Variants in PAK1 observed in about 807,000 individuals in gnomAD.
PAK1 encodes serine/threonine-protein kinase PAK 1.
Under a neutral mutation model 67.4 loss-of-function variants are expected in PAK1, and 29 were observed. The observed-to-expected ratio is 0.43, with a 90% CI of 0.32 to 0.59. PAK1 has a LOEUF of 0.59. Ranked by LOEUF, PAK1 falls within the 20% of genes least tolerant of loss-of-function variation. PAK1 has a pLI of 0.07. For missense variants in PAK1, 337 were observed against 670.7 expected, an observed-to-expected ratio of 0.50 and a Z score of 5.50; for synonymous variants, 223 against 237.4, an observed-to-expected ratio of 0.94 and a Z score of 0.56.
At chr11:77,333,279 C>A (rs987741170) in intron 13 of PAK1, among the ~76,000 whole-genome samples, 1 of 149,414 alleles carries the variant, frequency 6.7e-6, no homozygotes, top group Non-Finnish European at 1.5e-5. Context: ...CTCACTGCAA[C>A]CTCCACCTCC....
the PAK1 span, among the ~76,000 whole-genome samples, chr11:77,504,045 C>T: frequency 6.6e-6 from 1 of 152,078 alleles, no homozygotes; most frequent in Non-Finnish European, 1.5e-5. Flanking sequence ...TCACCCACCA[C>T]CACACTCAGT....
At chr11:77,491,670 C>T in the PAK1 span, among the ~76,000 whole-genome samples, 3 of 151,934 alleles carry the variant, frequency 2.0e-5, no homozygotes, top group African/African-American at 7.3e-5. Context: ...ATGATAACCT[C>T]AAATCAAATA....
intron 1 of PAK1, among the ~76,000 whole-genome samples, chr11:77,455,230 G>T (rs556835953): frequency 3.0e-4 from 46 of 152,062 alleles, no homozygotes; most frequent in Non-Finnish European, 4.4e-5. Flanking sequence ...ATTCTCTAGG[G>T]CATAATGTAT....
chr11:77,484,948 G>A, the PAK1 span, among the ~76,000 whole-genome samples: 1 of 152,140 alleles, frequency 6.6e-6, no homozygotes, highest in Non-Finnish European at 1.5e-5. Context: ...TTACTTGGAT[G>A]GTAGCAGGCA....
the PAK1 span, among the ~76,000 whole-genome samples, chr11:77,529,458 G>T: frequency 6.6e-6 from 1 of 152,178 alleles, no homozygotes; most frequent in Non-Finnish European, 1.5e-5. Flanking sequence ...CATGCCCAGG[G>T]CAACCTTTTA....
chr11:77,462,963 A>T, intron 1 of PAK1, among the ~76,000 whole-genome samples: 1 of 125,964 alleles, frequency 7.9e-6, no homozygotes, highest in Admixed American at 8.0e-5. Context: ...GGGATACAAC[A>T]GTGAGAAAAA....
At chr11:77,375,386 C>T (rs567463679) in intron 4 of PAK1, among the ~76,000 whole-genome samples, 119 of 152,216 alleles carry the variant, frequency 7.8e-4, no homozygotes, top group Middle Eastern at 3.4e-3. Context: ...TATCTACTGC[C>T]CACAAGGACA....
At chr11:77,391,344 C>G (rs1565655415) in intron 2 of PAK1, among the ~76,000 whole-genome samples, 1 of 152,166 alleles carries the variant, frequency 6.6e-6, no homozygotes, top group East Asian at 1.9e-4. Context: ...CTATTAGGAA[C>G]TTTGTATGTA....
intron 1 of PAK1, among the ~76,000 whole-genome samples, chr11:77,418,911 C>G (rs1347422270): frequency 1.3e-5 from 2 of 152,096 alleles, no homozygotes; most frequent in Non-Finnish European, 2.9e-5. Flanking sequence ...ATAAATAGGA[C>G]CAGGTAGACG....
At chr11:77,407,518 G>A (rs1953778551) in intron 1 of PAK1, among the ~76,000 whole-genome samples, 1 of 152,196 alleles carries the variant, frequency 6.6e-6, no homozygotes, top group African/African-American at 2.4e-5. Flanking sequence ...TAGCATCTGA[G>A]CAATTTTTCA....
intron 14 of PAK1, 64 bp downstream of exon 14, chr11:77,332,666 A>G: frequency 7.5e-7 from 1 of 1,341,716 alleles, no homozygotes; most frequent in South Asian, 1.2e-5. Context: ...TACAAACATG[A>G]AGTAAAAAAG....
intron 5 of PAK1, among the ~76,000 whole-genome samples, chr11:77,360,180 ACTGT>A (rs1946594220): frequency 6.6e-6 from 1 of 152,124 alleles, no homozygotes; most frequent in African/African-American, 2.4e-5. Flanking sequence ...ACTGTGGGAG[ACTGT>A]CTTTTACCAC....
At chr11:77,386,958 GACACAGGGTTTCACCATGTTGGCCA>G (rs1950521813) in intron 2 of PAK1, among the ~76,000 whole-genome samples, 1 of 151,870 alleles carries the variant, frequency 6.6e-6, no homozygotes, top group South Asian at 2.1e-4. Flanking sequence ...ATTTTTAGTA[GACACAGGGTTTCACCATGTTGGCCA>G]GGCTAGTCTT....
intron 1 of PAK1, among the ~76,000 whole-genome samples, chr11:77,428,739 G>A (rs1347169120): frequency 6.6e-6 from 1 of 151,854 alleles, no homozygotes; most frequent in Non-Finnish European, 1.5e-5. Flanking sequence ...GGGGCAGGGA[G>A]GTGGACTGGT....
At chr11:77,488,766 T>A in the PAK1 span, among the ~76,000 whole-genome samples, 1 of 151,922 alleles carries the variant, frequency 6.6e-6, no homozygotes, top group Non-Finnish European at 1.5e-5. Context: ...GAAAAAAGAA[T>A]TTTTTAAAAA....
At chr11:77,337,530 G>C in intron 11 of PAK1, 107 bp from the exon 12 acceptor site, 1 of 539,594 alleles carries the variant, frequency 1.9e-6, no homozygotes, top group East Asian at 3.1e-5. Context: ...AATAAAGGAA[G>C]TAAGGCCCCA....
At chr11:77,477,567 C>CAAA (rs61075974), upstream of PAK1, among the ~76,000 whole-genome samples, 500 of 84,162 alleles carry the variant, frequency 5.9e-3, 15 homozygotes, top group African/African-American at 0.029. Context: ...ACCATCTCTA[C>CAAA]AAAAAAAAAA....
intron 1 of PAK1, among the ~76,000 whole-genome samples, chr11:77,462,549 G>T (rs984115127): frequency 6.6e-6 from 1 of 151,606 alleles, no homozygotes; most frequent in African/African-American, 2.4e-5. Context: ...GAAGTCATGT[G>T]GGCCAGGCAC....
chr11:77,519,425 C>T, the PAK1 span, among the ~76,000 whole-genome samples: 4 of 152,126 alleles, frequency 2.6e-5, no homozygotes, highest in Non-Finnish European at 5.9e-5. Context: ...TCCCAAAGGC[C>T]TTATTAGATT....
Sources: gnomAD v4.1 joint callset for allele counts (sites outside exome capture counted in the v4.1 genomes callset) on GRCh38, gnomAD v4.1.1 for gene constraint, MANE v1.5 for transcripts, NCBI Gene and HGNC (gene_info 2026-07-23, HGNC 2026-07-21) for gene names.